Variants in INPP4B observed in about 807,000 individuals in gnomAD.
The protein encoded by INPP4B is inositol polyphosphate-4-phosphatase type II B.
In INPP4B, 55 loss-of-function variants were observed where a neutral mutation model predicts 122.5. That is an observed-to-expected ratio of 0.45 (90% confidence interval 0.36 to 0.56). INPP4B has a LOEUF of 0.56. Among genes scored for constraint, INPP4B ranks in the 20% least tolerant of loss-of-function variants. The pLI is 0.00. For missense variants in INPP4B, 1,000 were observed against 1,097.7 expected (o/e 0.91, Z 1.26); for synonymous variants, 403 against 388.7 (o/e 1.04, Z -0.43).
At chr4:142,212,143 C>T (rs1197225367) in intron 12 of INPP4B, among the ~76,000 whole-genome samples, 2 of 152,102 alleles carry the variant, frequency 1.3e-5, no homozygotes, top group African/African-American at 4.8e-5. Context: ...CTTGTACCAT[C>T]TGAGTTGATA....
rs997151709 is a variant in INPP4B at position 142,276,506 on chromosome 4, C to T, written c.504-5732G>A. 2.6e-5 allele frequency among the ~76,000 whole-genome samples: 4 copies of T among 151,982 alleles called. No individual in the cohort carries two copies. In the South Asian group the frequency reaches 6.2e-4, roughly 24 times the overall value. ...CCTTGGTTATAGTGCTGACTCTATA[C>T]AGTAAACAGCTATGTAATTATGAGC... is the stretch of plus-strand genomic sequence containing the variant. On this transcript the variant is annotated intron_variant, in intron 9 of 25. Coordinates refer to ENST00000262992, the MANE Select transcript of INPP4B (RefSeq NM_001101669.3).
At chr4:142,152,299 T>C (rs1348958395) in intron 17 of INPP4B, among the ~76,000 whole-genome samples, 1 of 151,780 alleles carries the variant, frequency 6.6e-6, no homozygotes, top group African/African-American at 2.4e-5. Flanking sequence ...ATGGTCTCGA[T>C]CTCCTGAGCT....
intron 7 of INPP4B, among the ~76,000 whole-genome samples, chr4:142,373,922 C>T (rs1361531847): frequency 2.0e-5 from 3 of 151,666 alleles, no homozygotes; most frequent in East Asian, 1.9e-4. Flanking sequence ...TTAAGAACAG[C>T]AGCAATATAA....
At chr4:142,110,867 C>T (rs1011527300) in intron 22 of INPP4B, among the ~76,000 whole-genome samples, 1 of 152,084 alleles carries the variant, frequency 6.6e-6, no homozygotes, top group Non-Finnish European at 1.5e-5. Context: ...GCTGACTAGT[C>T]TTTGAAAAGT....
At chr4:142,831,247 T>C (rs1203953051) in intron 1 of INPP4B, among the ~76,000 whole-genome samples, 1 of 152,196 alleles carries the variant, frequency 6.6e-6, no homozygotes, top group African/African-American at 2.4e-5. Context: ...TACTGCCATG[T>C]AGATAGTTAT....
At chr4:142,551,607 G>A (rs1486038882) in intron 2 of INPP4B, among the ~76,000 whole-genome samples, 1 of 152,160 alleles carries the variant, frequency 6.6e-6, no homozygotes, top group Non-Finnish European at 1.5e-5. Context: ...TCTCGTGTGA[G>A]TGTTTCTGTT....
At chr4:142,281,309 G>A (rs1360197661) in intron 9 of INPP4B, among the ~76,000 whole-genome samples, 1 of 151,094 alleles carries the variant, frequency 6.6e-6, no homozygotes, top group African/African-American at 2.4e-5. Context: ...ATAAGGCCAG[G>A]TGAAAACAGT....
intron 2 of INPP4B, among the ~76,000 whole-genome samples, chr4:142,532,196 T>G (rs1827694081): frequency 6.6e-6 from 1 of 152,184 alleles, no homozygotes; most frequent in Non-Finnish European, 1.5e-5. Context: ...CCTAAGATAA[T>G]GAAAAAACCA....
intron 7 of INPP4B, among the ~76,000 whole-genome samples, chr4:142,381,722 CA>C (rs1794162713): frequency 6.6e-6 from 1 of 152,074 alleles, no homozygotes; most frequent in African/African-American, 2.4e-5. Flanking sequence ...CATTTTTACA[CA>C]TAGAATATAA....
intron 4 of INPP4B, among the ~76,000 whole-genome samples, chr4:142,430,885 C>T (rs1367487053): frequency 6.6e-6 from 1 of 152,028 alleles, no homozygotes; most frequent in Non-Finnish European, 1.5e-5. Context: ...AAAAAGTATT[C>T]ATTAGGCTCT....
intron 2 of INPP4B, among the ~76,000 whole-genome samples, chr4:142,645,859 G>C (rs942421263): frequency 2.0e-5 from 3 of 152,112 alleles, no homozygotes; most frequent in Admixed American, 6.6e-5. Flanking sequence ...GTTAAGCAGC[G>C]ACAAGGAGGA....
At chr4:142,240,693 C>T (rs542894809) in intron 11 of INPP4B, among the ~76,000 whole-genome samples, 2 of 152,156 alleles carry the variant, frequency 1.3e-5, no homozygotes, top group South Asian at 4.2e-4. Flanking sequence ...ACTTTGCAAC[C>T]CAGTTTGACC....
In INPP4B at chr4:142,175,380, A is replaced by G. The variant is rs564002029; in HGVS notation, c.1182-1571T>C. 5.9e-5 allele frequency among the ~76,000 whole-genome samples: 9 copies of G among 152,178 alleles called. No homozygotes were observed. In the East Asian group the frequency reaches 1.5e-3, roughly 26 times the overall value. On this transcript the variant is annotated intron_variant, in intron 15 of 25. Transcript: ENST00000262992. ...GAAACAATTTTTTTTTTGCAAACAT[A>G]TAATGAATATTCCTCCTATTTTATT...
chr4:142,094,626 C>T (rs548875715), intron 23 of INPP4B, among the ~76,000 whole-genome samples: 7 of 152,286 alleles, frequency 4.6e-5, no homozygotes, highest in African/African-American at 1.2e-4. Context: ...ACCAGCCCTT[C>T]TCCAAAAACC....
intron 18 of INPP4B, among the ~76,000 whole-genome samples, chr4:142,143,377 T>C (rs1808875478): frequency 5.3e-5 from 8 of 151,830 alleles, no homozygotes; most frequent in Admixed American, 2.6e-4. Context: ...TATTAGGTAA[T>C]CACAGTGTGA....
At chr4:142,213,709 A>G (rs947381376) in intron 12 of INPP4B, among the ~76,000 whole-genome samples, 6 of 152,190 alleles carry the variant, frequency 3.9e-5, no homozygotes, top group Non-Finnish European at 7.3e-5. Context: ...AGCTCTGCCA[A>G]TGCTTAACAT....
intron 2 of INPP4B, among the ~76,000 whole-genome samples, chr4:142,620,093 G>A (rs1744563946): frequency 6.6e-6 from 1 of 151,892 alleles, no homozygotes; most frequent in South Asian, 2.1e-4. Context: ...AAAGCATCGT[G>A]GAGATTTCTT....
At chr4:142,485,228 T>C (rs1560711354) in intron 2 of INPP4B, among the ~76,000 whole-genome samples, 1 of 152,118 alleles carries the variant, frequency 6.6e-6, no homozygotes, top group Non-Finnish European at 1.5e-5. Flanking sequence ...GAATCCAGCA[T>C]AGTCTCAATC....
At chr4:142,403,269 C>T (rs1220216136) in intron 6 of INPP4B, among the ~76,000 whole-genome samples, 1 of 152,174 alleles carries the variant, frequency 6.6e-6, no homozygotes, top group Non-Finnish European at 1.5e-5. Flanking sequence ...AGTAAATGAA[C>T]CTGCATCATT....
Sources: gnomAD v4.1 joint callset for allele counts (sites outside exome capture counted in the v4.1 genomes callset) on GRCh38, gnomAD v4.1.1 for gene constraint, MANE v1.5 for transcripts, NCBI Gene and HGNC (gene_info 2026-07-23, HGNC 2026-07-21) for gene names.